AFG1L: variants seen among roughly 807,000 people sequenced by gnomAD.
The protein encoded by AFG1L is AFG1-like ATPase.
A neutral mutation model predicts 62.2 loss-of-function variants in AFG1L; 53 were observed. The observed-to-expected ratio is 0.85, with a 90% CI of 0.68 to 1.07. The LOEUF (loss-of-function observed/expected upper bound fraction) is 1.07. Among genes scored for constraint, AFG1L ranks in the 50% least tolerant of loss-of-function variants. AFG1L has a pLI of 0.00. For missense variants in AFG1L, 555 were observed against 590.5 expected (o/e 0.94, Z 0.62); for synonymous variants, 228 against 210.3 (o/e 1.08, Z -0.73).
intron 6 of AFG1L, among the ~76,000 whole-genome samples, chr6:108,394,039 C>CCCTT (rs1311505357): frequency 6.7e-6 from 1 of 150,108 alleles, no homozygotes; most frequent in Non-Finnish European, 1.5e-5. Flanking sequence ...CCTTCCCCTT[C>CCCTT]CCTTCCCTCC....
In AFG1L at chr6:108,476,945, T is replaced by C; in HGVS notation, c.961+10T>C. Reference sequence around the variant, plus strand: ...CAGAAACAAAATGATTGTACGTAAGTTAATTTCTCTTGAAAGAGAATACAT... The same window carrying C: ...CAGAAACAAAATGATTGTACGTAAGCTAATTTCTCTTGAAAGAGAATACAT... On this transcript the variant is annotated intron_variant, in intron 9 of 12. Transcript: ENST00000368977. The C allele has an allele frequency of 6.2e-7, 1 of 1,609,068 alleles. No individual in the cohort carries two copies. The highest frequency in any genetic ancestry group is 8.5e-7 in the Non-Finnish European group (1 of 1,175,438).
At chr6:108,412,672 A>G (rs1434935611) in intron 7 of AFG1L, among the ~76,000 whole-genome samples, 3 of 152,238 alleles carry the variant, frequency 2.0e-5, no homozygotes, top group Admixed American at 6.5e-5. Flanking sequence ...ACTAAGCTTC[A>G]TAAGTGAAGG....
chr6:108,487,059 A>G (rs1773600066), intron 10 of AFG1L, among the ~76,000 whole-genome samples: 1 of 152,232 alleles, frequency 6.6e-6, no homozygotes, highest in South Asian at 2.1e-4. Flanking sequence ...GTTATGAGGA[A>G]TATAAAAGAA....
At chr6:108,391,274 G>A (rs532503830) in intron 6 of AFG1L, among the ~76,000 whole-genome samples, 7 of 152,146 alleles carry the variant, frequency 4.6e-5, no homozygotes, top group African/African-American at 1.4e-4. Context: ...CTTTTTTACC[G>A]CATCCACACC....
intron 8 of AFG1L, among the ~76,000 whole-genome samples, chr6:108,455,797 G>C (rs1014617489): frequency 3.3e-5 from 5 of 152,068 alleles, no homozygotes; most frequent in Admixed American, 6.6e-5. Context: ...TATGGTTACA[G>C]AATCTATGTT....
intron 8 of AFG1L, among the ~76,000 whole-genome samples, chr6:108,467,136 A>G (rs1357132648): frequency 6.6e-6 from 1 of 152,230 alleles, no homozygotes; most frequent in South Asian, 2.1e-4. Context: ...TGTGTCTGGA[A>G]TATTTGTCAA....
intron 8 of AFG1L, 50 bp downstream of exon 8, chr6:108,447,346 A>C: frequency 3.6e-6 from 4 of 1,102,914 alleles, no homozygotes; most frequent in Non-Finnish European, 4.1e-6. Flanking sequence ...TAATCAGAAA[A>C]AGAACATAAA....
At chr6:108,407,714 C>T (rs570576929) in intron 7 of AFG1L, among the ~76,000 whole-genome samples, 2 of 151,976 alleles carry the variant, frequency 1.3e-5, no homozygotes, top group South Asian at 2.1e-4. Context: ...AAAATCAATC[C>T]CACAGGAGGG....
intron 11 of AFG1L, among the ~76,000 whole-genome samples, chr6:108,516,181 T>G (rs931806418): frequency 2.0e-5 from 3 of 152,020 alleles, no homozygotes; most frequent in East Asian, 1.9e-4. Flanking sequence ...TACCAAAGAC[T>G]GGCAGAGACA....
At chr6:108,510,635 C>G (rs1441414835) in intron 11 of AFG1L, among the ~76,000 whole-genome samples, 1 of 152,230 alleles carries the variant, frequency 6.6e-6, no homozygotes, top group African/African-American at 2.4e-5. Flanking sequence ...GTAAAGCTCC[C>G]ATCACAAGAC....
intron 7 of AFG1L, among the ~76,000 whole-genome samples, chr6:108,422,477 C>CAA (rs539232525): frequency 1.2e-3 from 57 of 45,790 alleles, no homozygotes; most frequent in South Asian, 2.4e-3. Context: ...TAGTCCTCAG[C>CAA]AAAAAAAAAA....
At chr6:108,411,570 G>C (rs1328956090) in intron 7 of AFG1L, among the ~76,000 whole-genome samples, 1 of 152,156 alleles carries the variant, frequency 6.6e-6, no homozygotes, top group East Asian at 1.9e-4. Context: ...CCAGAGGAAG[G>C]ATCAGGCAGC....
intron 3 of AFG1L, among the ~76,000 whole-genome samples, chr6:108,351,885 G>A (rs1252055846): frequency 6.6e-6 from 1 of 152,050 alleles, no homozygotes; most frequent in Non-Finnish European, 1.5e-5. Context: ...GGGGAGAAGT[G>A]TTCAGTCTTT....
At chr6:108,416,289 G>T (rs977840480) in intron 7 of AFG1L, among the ~76,000 whole-genome samples, 1 of 152,192 alleles carries the variant, frequency 6.6e-6, no homozygotes, top group African/African-American at 2.4e-5. Flanking sequence ...TGCTGGAGAG[G>T]ATGTGGAGAA....
chr6:108,333,239 G>A (rs1297540589), intron 2 of AFG1L, among the ~76,000 whole-genome samples: 9 of 151,786 alleles, frequency 5.9e-5, no homozygotes, highest in Non-Finnish European at 1.0e-4. Flanking sequence ...GTGAAACCCC[G>A]TCTGTACTAA....
intron 7 of AFG1L, among the ~76,000 whole-genome samples, chr6:108,413,564 T>A (rs1364897680): frequency 6.6e-6 from 1 of 152,148 alleles, no homozygotes; most frequent in Non-Finnish European, 1.5e-5. Context: ...TACAACAAAC[T>A]GTCTCTCAGA....
intron 6 of AFG1L, among the ~76,000 whole-genome samples, chr6:108,399,003 TG>T (rs1781435505): frequency 6.6e-6 from 1 of 152,098 alleles, no homozygotes; most frequent in African/African-American, 2.4e-5. Context: ...GTGACTTTGG[TG>T]GGGATTGCAT....
At chr6:108,425,699 A>G (rs1770780627) in intron 7 of AFG1L, among the ~76,000 whole-genome samples, 1 of 152,176 alleles carries the variant, frequency 6.6e-6, no homozygotes, top group South Asian at 2.1e-4. Context: ...CTATATTTAC[A>G]TATTGCATAC....
intron 3 of AFG1L, among the ~76,000 whole-genome samples, chr6:108,352,419 C>G (rs888656396): frequency 6.6e-6 from 1 of 152,112 alleles, no homozygotes; most frequent in Non-Finnish European, 1.5e-5. Flanking sequence ...ATGCTCAAGT[C>G]CCTTATGTAA....
Sources: allele counts gnomAD v4.1 joint callset (sites outside exome capture counted in the v4.1 genomes callset), GRCh38; gene constraint gnomAD v4.1.1; transcripts MANE v1.5; gene names NCBI Gene and HGNC (gene_info 2026-07-23, HGNC 2026-07-21).